Variants in WWC1 observed in about 807,000 individuals in gnomAD.
WWC1 encodes protein KIBRA.
Under a neutral mutation model 138.4 loss-of-function variants are expected in WWC1, and 55 were observed. That is an observed-to-expected ratio of 0.40 (90% CI 0.32 to 0.50). WWC1 has a LOEUF of 0.50. WWC1 is among the 20% of genes least tolerant of loss of function. The pLI, the probability that WWC1 is intolerant of heterozygous loss-of-function variation, is 0.72. For missense variants in WWC1, 1,226 were observed against 1,420.4 expected (o/e 0.86, Z 2.20); for synonymous variants, 524 against 564.9 (o/e 0.93, Z 1.03).
At position 168,414,451 on chromosome 5, in the gene WWC1, G is replaced by T. The variant is rs764814667; in HGVS notation, c.1045G>T (p.Glu349Ter). ...DRLILINEKE[E>*]LLKEMRFISP... ...GCTGATCCTTATCAACGAGAAGGAGGAGCTGCTGAAGGAGATGCGCTTCAT... is the reference window on the plus strand; with the variant it reads ...GCTGATCCTTATCAACGAGAAGGAGTAGCTGCTGAAGGAGATGCGCTTCAT... Residue 349 changes from glutamate to a stop codon, truncating the protein, a stop_gained, in exon 9 of 23, where the codon GAG becomes TAG. Transcript: ENST00000265293. LOFTEE classifies it high-confidence loss of function. The T allele has an allele frequency of 8.9e-6, 14 of 1,579,688 alleles. No homozygotes were observed. The highest frequency in any genetic ancestry group is 6.0e-6 in the Non-Finnish European group (7 of 1,162,010).
intron 1 of WWC1, among the ~76,000 whole-genome samples, chr5:168,309,356 A>G (rs1770860465): frequency 6.8e-6 from 1 of 146,652 alleles, no homozygotes. Flanking sequence ...GTCTCAAACA[A>G]CTTTGCCTCT....
chr5:168,314,746 T>C (rs1379768959), intron 1 of WWC1, among the ~76,000 whole-genome samples: 3 of 152,128 alleles, frequency 2.0e-5, no homozygotes, highest in African/African-American at 7.2e-5. Context: ...GGTGTGGGAC[T>C]GGGTACAGGT....
At chr5:168,347,691 C>T (rs767570304) in intron 1 of WWC1, among the ~76,000 whole-genome samples, 6 of 152,130 alleles carry the variant, frequency 3.9e-5, no homozygotes, top group Non-Finnish European at 7.3e-5. Flanking sequence ...ATGTGATGAT[C>T]TATTTCATTT....
At chr5:168,356,079 T>C (rs1775388708) in intron 1 of WWC1, among the ~76,000 whole-genome samples, 1 of 152,196 alleles carries the variant, frequency 6.6e-6, no homozygotes, top group Non-Finnish European at 1.5e-5. Flanking sequence ...TGGGGATCGG[T>C]TCTCCCATCT....
intron 19 of WWC1, 61 bp downstream of exon 19, chr5:168,455,581 C>T (rs945939676): frequency 7.0e-6 from 11 of 1,578,744 alleles, no homozygotes; most frequent in Admixed American, 3.8e-5. Flanking sequence ...TCACACAGGG[C>T]TGGGTGCAAA....
intron 1 of WWC1, among the ~76,000 whole-genome samples, chr5:168,296,939 G>A (rs1340403651): frequency 6.6e-6 from 1 of 152,228 alleles, no homozygotes; most frequent in East Asian, 1.9e-4. Context: ...TCACTTACCT[G>A]TGACCATTCT....
intron 15 of WWC1, among the ~76,000 whole-genome samples, chr5:168,434,060 G>A (rs1291015863): frequency 2.6e-5 from 4 of 152,238 alleles, no homozygotes; most frequent in African/African-American, 7.2e-5. Flanking sequence ...AGATGGGGGT[G>A]GTGACTTGAA....
chr5:168,337,963 G>A (rs114648214), intron 1 of WWC1, among the ~76,000 whole-genome samples: 14 of 152,270 alleles, frequency 9.2e-5, no homozygotes, highest in African/African-American at 2.6e-4. Flanking sequence ...TGGAGAAGAC[G>A]CCAGGACCTG....
intron 15 of WWC1, among the ~76,000 whole-genome samples, chr5:168,439,253 T>A (rs1325675153): frequency 1.3e-5 from 2 of 152,212 alleles, no homozygotes; most frequent in African/African-American, 4.8e-5. Context: ...CTTTTTTACA[T>A]GACTATATAA....
intron 1 of WWC1, among the ~76,000 whole-genome samples, chr5:168,293,858 C>A (rs1482431236): frequency 1.3e-5 from 2 of 152,170 alleles, no homozygotes; most frequent in African/African-American, 4.8e-5. Context: ...CAGTTCTTCA[C>A]CAGCTCTGAA....
intron 14 of WWC1, 54 bp downstream of exon 14, chr5:168,430,277 C>T: frequency 6.6e-7 from 1 of 1,505,616 alleles, no homozygotes; most frequent in Non-Finnish European, 9.1e-7. Context: ...TGGAGTTACC[C>T]CTGGGGGTCA....
At chr5:168,366,424 C>G (rs565857709) in intron 1 of WWC1, among the ~76,000 whole-genome samples, 1 of 152,286 alleles carries the variant, frequency 6.6e-6, no homozygotes, top group Non-Finnish European at 1.5e-5. Context: ...CTGGCATTTC[C>G]CCTGTGATCG....
At chr5:168,437,229 A>G (rs1391788644) in intron 15 of WWC1, among the ~76,000 whole-genome samples, 1 of 151,832 alleles carries the variant, frequency 6.6e-6, no homozygotes, top group Non-Finnish European at 1.5e-5. Context: ...AAATCCCATT[A>G]CCCTCTCTGC....
rs183407068 is a variant in WWC1, at chr5:168,377,274, T to C, written c.229+5741T>C. 5.1e-3 allele frequency among the ~76,000 whole-genome samples: 770 copies of C among 152,232 alleles called. 4 individuals are homozygous for C. The highest frequency in any genetic ancestry group is 0.018 in the African/African-American group (734 of 41,542). On this transcript the variant is annotated intron_variant, in intron 2 of 22. Transcript: ENST00000265293. The stretch of plus-strand genomic sequence containing the variant: ...CCCTACCTTTTACCATATACAAAAG[T>C]TAACTCAAAATGGATTAAAGATTTA...
At chr5:168,314,508 A>G (rs1050059713) in intron 1 of WWC1, among the ~76,000 whole-genome samples, 1 of 152,154 alleles carries the variant, frequency 6.6e-6, no homozygotes, top group African/African-American at 2.4e-5. Flanking sequence ...CGGAGGTTGC[A>G]GTGAGCCGAG....
At chr5:168,393,264 G>C (rs1272050597) in intron 3 of WWC1, among the ~76,000 whole-genome samples, 2 of 152,036 alleles carry the variant, frequency 1.3e-5, no homozygotes. Flanking sequence ...AGACTGAAAG[G>C]GTTCACTGAG....
At position 168,415,810 on chromosome 5, in the gene WWC1, G is replaced by T. The variant is rs1780579608; in HGVS notation, c.1184+1220G>T. Reference sequence around the variant, plus strand: ...AAGTGTGTGTGTGTGGGGGGGGGGGGGGGGCGTGTGTGTGTGTGTGTGTGT... The same window carrying T: ...AAGTGTGTGTGTGTGGGGGGGGGGGTGGGGCGTGTGTGTGTGTGTGTGTGT... On this transcript the variant is annotated intron_variant, in intron 9 of 22. Transcript: ENST00000265293. 2 of 76,004 alleles carry T rather than the reference G, an allele frequency of 2.6e-5. 1 individual carries two copies. Among genetic ancestry groups the T allele is most frequent in the Non-Finnish European group, 5.6e-5 (2 of 35,786 alleles). 4.7% of individuals were successfully genotyped at this position (76,004 alleles called of 1,614,324 possible).
intron 2 of WWC1, among the ~76,000 whole-genome samples, chr5:168,374,045 CAAA>C (rs200314568): frequency 5.0e-5 from 5 of 99,616 alleles, no homozygotes; most frequent in Admixed American, 2.1e-4. Flanking sequence ...GATTCTGTAC[CAAA>C]AAAAAAAAAA....
chr5:168,423,745 G>A lies in WWC1; in HGVS notation c.1487G>A (p.Gly496Asp), dbSNP rs150654952. Residue 496 changes from glycine (G) to aspartate (D), a missense_variant, in exon 11 of 23, where the codon GGC becomes GAC. Physicochemically the swap from Gly to Asp is moderately conservative, Grantham distance 94. Around this residue, in one of 3 missense-constraint regions of WWC1, gnomAD observed 1,016 missense variants for 1,153.9 expected, o/e 0.88. Transcript: ENST00000265293. The part of the protein sequence containing the change: ...LEGATGFRPS[G>D]CITTIHEDEV... ...GGGGCCACCGGCTTCCGGCCCTCAG[G>A]CTGCATCACCACCATCCACGAGGAT... 15 of 1,613,832 alleles carry A rather than the reference G, an allele frequency of 9.3e-6. No individual in the cohort carries two copies. Among genetic ancestry groups the A allele is most frequent in the South Asian group, 2.2e-5 (2 of 91,062 alleles).
Sources: gnomAD v4.1 joint callset for allele counts (sites outside exome capture counted in the v4.1 genomes callset) on GRCh38, gnomAD v4.1.1 for gene constraint, gnomAD v4.1.1 regional missense constraint, MANE v1.5 for transcripts, NCBI Gene and HGNC (gene_info 2026-07-23, HGNC 2026-07-21) for gene names.